ZFPM2: variants seen among roughly 807,000 people sequenced by gnomAD.
ZFPM2 encodes the protein zinc finger protein, FOG family member 2.
Under a neutral mutation model 98.6 loss-of-function variants are expected in ZFPM2, and 20 were observed. The ratio of observed to expected loss-of-function variants is 0.20; its 90% CI spans 0.14 to 0.29. The LOEUF (loss-of-function observed/expected upper bound fraction) is 0.29, where lower values mean the gene tolerates loss of function less well. Among genes scored for constraint, ZFPM2 ranks in the 10% least tolerant of loss-of-function variants. The pLI is 1.00. For missense variants in ZFPM2, 1,310 were observed against 1,388.6 expected (o/e 0.94, Z 0.90); for synonymous variants, 518 against 502.7 (o/e 1.03, Z -0.41).
intron 4 of ZFPM2, among the ~76,000 whole-genome samples, chr8:105,585,031 G>T (rs1166105367): frequency 6.6e-6 from 1 of 152,140 alleles, no homozygotes; most frequent in Non-Finnish European, 1.5e-5. Context: ...AAATAATAGT[G>T]CTCATAATTT....
chr8:105,614,584 G>T (rs1816374531), intron 4 of ZFPM2, among the ~76,000 whole-genome samples: 1 of 152,056 alleles, frequency 6.6e-6, no homozygotes, highest in Non-Finnish European at 1.5e-5. Flanking sequence ...CTCAGAAATA[G>T]TCTGAAGCAG....
chr8:105,753,566 A>G (rs1157815849), intron 5 of ZFPM2, among the ~76,000 whole-genome samples: 10 of 152,188 alleles, frequency 6.6e-5, no homozygotes, highest in African/African-American at 2.4e-4. Context: ...TTGCATTTCT[A>G]AAATGCAAAT....
chr8:105,357,856 G>C (rs1179354827), intron 1 of ZFPM2, among the ~76,000 whole-genome samples: 1 of 152,054 alleles, frequency 6.6e-6, no homozygotes, highest in Admixed American at 6.6e-5. Flanking sequence ...CCTGTTACTG[G>C]GTTCATCAGA....
At chr8:105,756,868 A>G (rs1172117240) in intron 5 of ZFPM2, among the ~76,000 whole-genome samples, 1 of 152,144 alleles carries the variant, frequency 6.6e-6, no homozygotes, top group African/African-American at 2.4e-5. Context: ...CAATAGAGAG[A>G]CAGATGTCGG....
rs1353868626 is a variant in ZFPM2, at chr8:105,658,538, G to A, written c.532+24181G>A. On this transcript the variant is annotated intron_variant, in intron 5 of 7. Coordinates refer to ENST00000407775, the MANE Select transcript of ZFPM2 (RefSeq NM_012082.4). ...CAGGGGGCGGAGCCTGCAGTGAGCC[G>A]AGATTGCGCCACTGCACTCCAGCCT... 5.0e-5 allele frequency among the ~76,000 whole-genome samples: 2 copies of A among 40,314 alleles called. 1 individual carries two copies. Among genetic ancestry groups the A allele is most frequent in the Non-Finnish European group, 8.9e-5 (2 of 22,564 alleles). The allele number at this position is 40,314 out of a possible 152,430, so 26.4% of individuals were successfully genotyped here.
chr8:105,459,390 A>G (rs2130294354), intron 3 of ZFPM2, among the ~76,000 whole-genome samples: 1 of 152,206 alleles, frequency 6.6e-6, no homozygotes, highest in South Asian at 2.1e-4. Flanking sequence ...TGAACCCTGG[A>G]AGGAGGTAAG....
intron 1 of ZFPM2, among the ~76,000 whole-genome samples, chr8:105,361,533 A>G (rs978707551): frequency 6.6e-6 from 1 of 152,118 alleles, no homozygotes; most frequent in African/African-American, 2.4e-5. Flanking sequence ...TGTTTTAGAC[A>G]TGGAGATCTT....
chr8:105,657,062 A>G (rs1319603164), intron 5 of ZFPM2, among the ~76,000 whole-genome samples: 4 of 152,200 alleles, frequency 2.6e-5, no homozygotes, highest in Non-Finnish European at 5.9e-5. Flanking sequence ...AATGAAATAG[A>G]TAACAATTTA....
intron 1 of ZFPM2, among the ~76,000 whole-genome samples, chr8:105,368,475 G>C (rs1242242371): frequency 6.6e-6 from 1 of 152,074 alleles, no homozygotes; most frequent in Admixed American, 6.6e-5. Context: ...GCTGTCATAG[G>C]CATTCAAAAG....
chr8:105,380,726 A>ATATATTATATAT lies in ZFPM2; in HGVS notation c.41-38418_41-38417insTATATTATATAT, dbSNP rs1810850402. Among the ~76,000 whole-genome samples, 15 of 40,624 alleles carry ATATATTATATAT rather than the reference A, an allele frequency of 3.7e-4. 2 individuals carry two copies. The highest frequency in any genetic ancestry group is 3.5e-3 in the Admixed American group (7 of 2,002). The allele number at this position is 40,624 out of a possible 152,430, so 26.7% of individuals were successfully genotyped here. ...TATAATATATATATATATTATATATAACATATATATTATATATATATGTTA... is the reference window on the plus strand; with the variant it reads ...TATAATATATATATATATTATATATATATATTATATATACATATATATTATATATATATGTTA... On this transcript the variant is annotated intron_variant, in intron 1 of 7. Coordinates refer to ENST00000407775, the MANE Select transcript of ZFPM2 (RefSeq NM_012082.4).
chr8:105,553,331 A>T (rs1227670407), intron 3 of ZFPM2, among the ~76,000 whole-genome samples: 1 of 152,162 alleles, frequency 6.6e-6, no homozygotes, highest in Admixed American at 6.6e-5. Context: ...ATATATGTCA[A>T]TATTTGGTAG....
chr8:105,666,243 T>C (rs1479081121), intron 5 of ZFPM2, among the ~76,000 whole-genome samples: 1 of 146,734 alleles, frequency 6.8e-6, no homozygotes. Flanking sequence ...AGGCCCTCTT[T>C]AGCAAAGAAA....
intron 1 of ZFPM2, among the ~76,000 whole-genome samples, chr8:105,413,507 T>TACACAC (rs137954717): frequency 1.5e-5 from 2 of 135,558 alleles, no homozygotes; most frequent in Admixed American, 7.5e-5. Context: ...TATATATATA[T>TACACAC]ACACACACAC....
In ZFPM2 at chr8:105,796,296, G is replaced by A. The variant is rs1314635428; in HGVS notation, c.740-2428G>A. Among the ~76,000 whole-genome samples, 11 of 115,346 alleles carry A rather than the reference G, an allele frequency of 9.5e-5. No homozygotes were observed. The East Asian group carries it at 2.7e-3, about 28-fold the overall frequency. 75.7% of individuals were successfully genotyped at this position (115,346 alleles called of 152,430 possible). On this transcript the variant is annotated intron_variant, in intron 6 of 7. Transcript: ENST00000407775. The stretch of plus-strand genomic sequence containing the variant: ...ATCTGATGTTAATTCTAATTATAGT[G>A]GAGAGTGTACTCTATTTGCTTTCTG...
At chr8:105,376,499 T>C (rs1475706444) in intron 1 of ZFPM2, among the ~76,000 whole-genome samples, 2 of 152,182 alleles carry the variant, frequency 1.3e-5, no homozygotes, top group African/African-American at 4.8e-5. Flanking sequence ...TCCAACTGCC[T>C]ACACTCTTCA....
At chr8:105,684,686 A>G (rs927920312) in intron 5 of ZFPM2, among the ~76,000 whole-genome samples, 2 of 152,122 alleles carry the variant, frequency 1.3e-5, no homozygotes, top group Non-Finnish European at 2.9e-5. Flanking sequence ...TTTTACAGTT[A>G]GAGGAGTGGG....
intron 1 of ZFPM2, among the ~76,000 whole-genome samples, chr8:105,344,537 G>A (rs1364607766): frequency 1.3e-5 from 2 of 151,980 alleles, no homozygotes; most frequent in African/African-American, 2.4e-5. Context: ...TCTCTACATC[G>A]ATATTTATTT....
chr8:105,359,220 T>A (rs1812807174), intron 1 of ZFPM2, among the ~76,000 whole-genome samples: 1 of 152,150 alleles, frequency 6.6e-6, no homozygotes, highest in Admixed American at 6.5e-5. Context: ...CCTGCCACCA[T>A]GTAAGACATG....
chr8:105,802,322 C>A lies in ZFPM2; in HGVS notation c.2240C>A (p.Pro747His). ...AGAAAGATGTATGAGATGTGCCTAC[C>A]TGAGCAGGAACAAAGGCCTCCACTG... ...KRRKMYEMCL[P>H]EQEQRPPLVQ... is the part of the protein sequence containing the mutation. Residue 747 changes from proline (P) to histidine (H), a missense_variant, in exon 8 of 8, where the codon CCT becomes CAT. Transcript: ENST00000407775. The A allele has an allele frequency of 6.2e-7, 1 of 1,613,806 alleles. No homozygotes were observed. The highest frequency in any genetic ancestry group is 8.5e-7 in the Non-Finnish European group (1 of 1,179,840).
Sources: allele counts gnomAD v4.1 joint callset (sites outside exome capture counted in the v4.1 genomes callset), GRCh38; gene constraint gnomAD v4.1.1; transcripts MANE v1.5; gene names NCBI Gene and HGNC (gene_info 2026-07-23, HGNC 2026-07-21).